The following CDC42SE2 variants were observed in gnomAD, a reference collection of about 807,000 sequenced individuals.
CDC42SE2 encodes CDC42 small effector 2.
Under a neutral mutation model 11.5 loss-of-function variants are expected in CDC42SE2, and 3 were observed. That is an observed-to-expected ratio of 0.26 (90% CI 0.12 to 0.67). The LOEUF (loss-of-function observed/expected upper bound fraction) is 0.67, where lower values mean the gene tolerates loss of function less well. Among genes scored for constraint, CDC42SE2 ranks in the 30% least tolerant of loss-of-function variants. The probability of loss-of-function intolerance (pLI) is 0.80; values close to 1 mark genes in which losing one functional copy is unlikely to be tolerated. For synonymous variants in CDC42SE2, 33 were observed against 34.8 expected, an observed-to-expected ratio of 0.95 and a Z score of 0.18; for missense variants, 82 against 106.8, an observed-to-expected ratio of 0.77 and a Z score of 1.02.
intron 3 of CDC42SE2, among the ~76,000 whole-genome samples, chr5:131,369,407 T>C (rs1580783287): frequency 6.7e-6 from 1 of 150,106 alleles, no homozygotes. Context: ...CCTGGTAACA[T>C]GTGCCCAAGT....
rs181288907 is a variant in CDC42SE2 at position 131,390,660 on chromosome 5, G to A, written c.157-333G>A. Among the ~76,000 whole-genome samples the A allele has an allele frequency of 3.2e-3, 484 of 152,026 alleles. 3 individuals are homozygous for A. Among genetic ancestry groups the A allele is most frequent in the African/African-American group, 0.011 (462 of 41,446 alleles). On this transcript the variant is annotated intron_variant, in intron 4 of 4. Coordinates refer to ENST00000505065, the MANE Select transcript of CDC42SE2 (RefSeq NM_001375635.1). The stretch of plus-strand genomic sequence containing the variant: ...AGTGCACTCCAGCCTGGGCAACAGA[G>A]CGAGACTGTCTTAAAAAAAAAGAAA...
At chr5:131,241,697 C>T (rs2149680778), upstream of CDC42SE2, among the ~76,000 whole-genome samples, 1 of 152,126 alleles carries the variant, frequency 6.6e-6, no homozygotes, top group African/African-American at 2.4e-5. Flanking sequence ...GATTTCTTCT[C>T]TTTTATCTTC....
chr5:131,325,546 C>A lies in CDC42SE2; in HGVS notation c.-286+9402C>A, dbSNP rs143263896. On this transcript the variant is annotated intron_variant, in intron 2 of 4. Coordinates refer to ENST00000505065, the MANE Select transcript of CDC42SE2 (RefSeq NM_001375635.1). ...CTCAAAATTGAGTGTGGTAAACTTC[C>A]TATTCATTCTGTACACTCATAGCAA... Among the ~76,000 whole-genome samples, 611 of 151,524 alleles carry A rather than the reference C, an allele frequency of 4.0e-3. 6 individuals carry two copies. The highest frequency in any genetic ancestry group is 0.014 in the African/African-American group (591 of 41,356).
rs537509769 is a variant in CDC42SE2 at position 131,309,524 on chromosome 5, C to A, written c.-454-6452C>A. 6.0e-5 allele frequency among the ~76,000 whole-genome samples: 9 copies of A among 150,972 alleles called. No homozygotes were observed. In the East Asian group the frequency reaches 1.2e-3, roughly 20 times the overall value. ...TGGAATAGTTTCAGAAGGAATGGTA[C>A]CAGTTCCTCCTTGTACCTCTGGTAG... is the stretch of plus-strand genomic sequence containing the variant. On this transcript the variant is annotated intron_variant, in intron 1 of 4. Transcript: ENST00000505065.
rs1750642866 is a variant in CDC42SE2 at position 131,391,233 on chromosome 5, C to CTAAG, written c.*144_*147dup. The CTAAG allele has an allele frequency of 6.4e-6, 2 of 313,770 alleles. No homozygotes were observed. The highest frequency in any genetic ancestry group is 1.1e-5 in the Non-Finnish European group (2 of 174,538). 19.4% of individuals were successfully genotyped at this position (313,770 alleles called of 1,614,324 possible). A position where few individuals can be genotyped will look rare whatever the true frequency, so the allele number is the denominator to read the frequency against. On this transcript the variant is annotated 3_prime_UTR_variant, in exon 5 of 5. Transcript: ENST00000505065. The stretch of plus-strand genomic sequence containing the variant: ...TATTGGGAAAGGCAAAATTACTCAG[C>CTAAG]TAAGTGTAGTTTCTGCACTTGGAAT...
intron 1 of CDC42SE2, among the ~76,000 whole-genome samples, chr5:131,286,394 T>TG (rs1757341736): frequency 6.7e-6 from 1 of 148,504 alleles, no homozygotes; most frequent in Non-Finnish European, 1.5e-5. Context: ...AGTTTTTTTT[T>TG]TTTTTTTTTT....
intron 1 of CDC42SE2, among the ~76,000 whole-genome samples, chr5:131,249,916 C>T (rs1282323507): frequency 6.6e-6 from 1 of 152,076 alleles, no homozygotes; most frequent in Non-Finnish European, 1.5e-5. Flanking sequence ...TATCATTTTA[C>T]GTTTATTCAA....
intron 2 of CDC42SE2, among the ~76,000 whole-genome samples, chr5:131,317,911 C>CT (rs36082298): frequency 6.6e-6 from 1 of 151,228 alleles, no homozygotes; most frequent in Non-Finnish European, 1.5e-5. Context: ...GGGAGAATAC[C>CT]TTTTTTTCCT....
chr5:131,391,241 A>G lies in CDC42SE2; in HGVS notation c.*150A>G. 3.3e-6 allele frequency: 1 copy of G among 303,400 alleles called. No homozygotes were observed. Among genetic ancestry groups the G allele is most frequent in the Non-Finnish European group, 6.0e-6 (1 of 167,004 alleles). 18.8% of individuals were successfully genotyped at this position (303,400 alleles called of 1,614,324 possible). On this transcript the variant is annotated 3_prime_UTR_variant, in exon 5 of 5. Coordinates refer to ENST00000505065, the MANE Select transcript of CDC42SE2 (RefSeq NM_001375635.1). ...AAGGCAAAATTACTCAGCTAAGTGT[A>G]GTTTCTGCACTTGGAATGTAAGTTT...
intron 2 of CDC42SE2, among the ~76,000 whole-genome samples, chr5:131,347,347 A>G (rs573930810): frequency 6.6e-6 from 1 of 152,334 alleles, no homozygotes; most frequent in Non-Finnish European, 1.5e-5. Context: ...AATACAGACT[A>G]CCATCAGAAA....
intron 2 of CDC42SE2, among the ~76,000 whole-genome samples, chr5:131,354,345 A>G (rs1244842956): frequency 6.6e-6 from 1 of 152,230 alleles, no homozygotes. Context: ...GAAGTGGAAC[A>G]CTGTCAGCAT....
chr5:131,337,578 A>G (rs917840116), intron 2 of CDC42SE2, among the ~76,000 whole-genome samples: 2 of 152,250 alleles, frequency 1.3e-5, no homozygotes, highest in African/African-American at 2.4e-5. Context: ...TGGAGTCTAC[A>G]GAGGCAGGCA....
rs1750711157 is a variant in CDC42SE2 at position 131,392,999 on chromosome 5, GAATTTTGTATATTTCA to G, written c.*1912_*1927del. 1 of 152,308 alleles carries G rather than the reference GAATTTTGTATATTTCA, an allele frequency of 6.6e-6. No homozygotes were observed. Among genetic ancestry groups the G allele is most frequent in the Admixed American group, 6.5e-5 (1 of 15,280 alleles). The allele number at this position is 152,308 out of a possible 1,614,324, so 9.4% of individuals were successfully genotyped here. On this transcript the variant is annotated 3_prime_UTR_variant, in exon 5 of 5. Transcript: ENST00000505065. ...TTCTAAAATATGTTTGTCCTTGCAC[GAATTTTGTATATTTCA>G]AATATTTCTGTAAAGGTTTCTTCTT...
At chr5:131,330,521 C>T (rs1321054036) in intron 2 of CDC42SE2, among the ~76,000 whole-genome samples, 2 of 152,054 alleles carry the variant, frequency 1.3e-5, no homozygotes, top group African/African-American at 4.8e-5. Context: ...TTTTTCAGTT[C>T]ACTTTTATAA....
At position 131,391,282 on chromosome 5, in the gene CDC42SE2, ATTAAGAACT is replaced by A. The variant is rs1750644475; in HGVS notation, c.*196_*204del. The A allele has an allele frequency of 4.1e-6, 1 of 245,520 alleles. No individual in the cohort carries two copies. The highest frequency in any genetic ancestry group is 7.6e-6 in the Non-Finnish European group (1 of 131,690). 15.2% of individuals were successfully genotyped at this position (245,520 alleles called of 1,614,324 possible). On this transcript the variant is annotated 3_prime_UTR_variant, in exon 5 of 5. Coordinates refer to ENST00000505065, the MANE Select transcript of CDC42SE2 (RefSeq NM_001375635.1). ...ATGTAAGTTTTAGGTTCTTTTCCTT[ATTAAGAACT>A]TTAAATACTTTAAAACATCTGGTTG...
intron 2 of CDC42SE2, among the ~76,000 whole-genome samples, chr5:131,347,006 A>G (rs930357668): frequency 6.6e-6 from 1 of 152,238 alleles, no homozygotes; most frequent in African/African-American, 2.4e-5. Flanking sequence ...CAGTGTGTAG[A>G]GGGAAATTTA....
chr5:131,286,448 T>C (rs1207982675), intron 1 of CDC42SE2, among the ~76,000 whole-genome samples: 1 of 148,174 alleles, frequency 6.7e-6, no homozygotes, highest in African/African-American at 2.5e-5. Context: ...AGAAGGCACG[T>C]ATAGGGAGTG....
In CDC42SE2 at chr5:131,296,755, A is replaced by G. The variant is rs778797153; in HGVS notation, c.-454-19221A>G. On this transcript the variant is annotated intron_variant, in intron 1 of 4. Coordinates refer to ENST00000505065, the MANE Select transcript of CDC42SE2 (RefSeq NM_001375635.1). ...TATCTTTTTGGGAGAGGAGTGGGCA[A>G]ATTCAACCCATAACAGAGGCTTTAC... 4.6e-5 allele frequency among the ~76,000 whole-genome samples: 7 copies of G among 152,170 alleles called. 1 individual carries two copies. Among genetic ancestry groups the G allele is most frequent in the South Asian group, 2.1e-4 (1 of 4,826 alleles).
intron 3 of CDC42SE2, among the ~76,000 whole-genome samples, chr5:131,378,745 T>A (rs954863245): frequency 2.2e-4 from 33 of 152,248 alleles, no homozygotes; most frequent in African/African-American, 7.5e-4. Flanking sequence ...ATTATACAAC[T>A]TCTCAAACTG....
Sources: allele counts gnomAD v4.1 joint callset (sites outside exome capture counted in the v4.1 genomes callset), GRCh38; gene constraint gnomAD v4.1.1; transcripts MANE v1.5; gene names NCBI Gene and HGNC (gene_info 2026-07-23, HGNC 2026-07-21).